Variants in ARL13B observed in about 807,000 individuals in gnomAD.
ARL13B encodes the protein ADP-ribosylation factor-like protein 13B.
A neutral mutation model predicts 56.1 loss-of-function variants in ARL13B; 36 were observed. The ratio of observed to expected loss-of-function variants is 0.64; its 90% confidence interval spans 0.49 to 0.85. The LOEUF is 0.85. Among genes scored for constraint, ARL13B ranks in the 40% least tolerant of loss-of-function variants. ARL13B has a pLI of 0.00. For missense variants in ARL13B, 519 were observed against 507.1 expected, an observed-to-expected ratio of 1.02 and a Z score of -0.23; for synonymous variants, 178 against 171.1, an observed-to-expected ratio of 1.04 and a Z score of -0.32.
chr3:94,011,466 T>G (rs1415041903), intron 3 of ARL13B, among the ~76,000 whole-genome samples: 1 of 152,150 alleles, frequency 6.6e-6, no homozygotes, highest in African/African-American at 2.4e-5. Context: ...TGCTTTCAGT[T>G]TTTGCCTGAG....
intron 2 of ARL13B, among the ~76,000 whole-genome samples, chr3:93,999,804 A>G (rs184434903): frequency 6.6e-6 from 1 of 152,336 alleles, no homozygotes; most frequent in African/African-American, 2.4e-5. Context: ...TTGTTCTCAC[A>G]GAGACCTAAG....
intron 3 of ARL13B, among the ~76,000 whole-genome samples, chr3:94,017,303 G>A (rs1000486203): frequency 2.6e-5 from 4 of 152,198 alleles, no homozygotes; most frequent in Non-Finnish European, 4.4e-5. Flanking sequence ...CCAAAGGGCA[G>A]TGGGTGGAAA....
intron 3 of ARL13B, among the ~76,000 whole-genome samples, chr3:94,018,649 C>T (rs2076383384): frequency 6.6e-6 from 1 of 152,164 alleles, no homozygotes; most frequent in Non-Finnish European, 1.5e-5. Context: ...CTGACAGCTG[C>T]ATTTGAATGC....
Position 94,003,659 on chromosome 3 carries a change from A to C in ARL13B, c.131A>C (p.Glu44Ala). 1 of 1,613,008 alleles carries C rather than the reference A, an allele frequency of 6.2e-7. No individual in the cohort carries two copies. The highest frequency in any genetic ancestry group is 8.5e-7 in the Non-Finnish European group (1 of 1,179,406). The change falls in exon 3 of 10, where the codon GAA (glutamate) becomes GCA (alanine). Residue 44 changes from glutamate (E) to alanine (A), a missense_variant and splice_region_variant. Transcript: ENST00000394222. ...KTATAKGIQG[E>A]YPEDVAPTVG... ...TTTTTTTGTGTATCATTTGTAACAG[A>C]ATACCCTGAAGATGTAGCTCCTACT...
At chr3:93,982,755 C>T (rs1485896887) in intron 1 of ARL13B, among the ~76,000 whole-genome samples, 3 of 152,136 alleles carry the variant, frequency 2.0e-5, no homozygotes. Flanking sequence ...TCTAAGTCCC[C>T]TTGTTCAATG....
At chr3:93,990,535 C>T (rs1341845288) in intron 1 of ARL13B, among the ~76,000 whole-genome samples, 1 of 152,018 alleles carries the variant, frequency 6.6e-6, no homozygotes, top group Non-Finnish European at 1.5e-5. Flanking sequence ...TGATTGCAGC[C>T]TGTCACATGA....
Position 94,055,402 on chromosome 3 carries a change from T to G in ARL13B, c.*2139T>G. On this transcript the variant is annotated 3_prime_UTR_variant, in exon 10 of 10. Transcript: ENST00000394222. Reference sequence around the variant, plus strand: ...AATCAGTAGATTAAAATAATGCATTTTTTTGATACTTTACACACAAAACTT... The same window carrying G: ...AATCAGTAGATTAAAATAATGCATTGTTTTGATACTTTACACACAAAACTT... 1 of 450,834 alleles carries G rather than the reference T, an allele frequency of 2.2e-6. No homozygotes were observed. Among genetic ancestry groups the G allele is most frequent in the Non-Finnish European group, 4.5e-6 (1 of 224,538 alleles). 27.9% of individuals were successfully genotyped at this position (450,834 alleles called of 1,614,324 possible). A position where few individuals can be genotyped will look rare whatever the true frequency, so the allele number is the denominator to read the frequency against.
At chr3:94,005,860 G>T (rs928237322) in intron 3 of ARL13B, among the ~76,000 whole-genome samples, 1 of 151,924 alleles carries the variant, frequency 6.6e-6, no homozygotes, top group Non-Finnish European at 1.5e-5. Context: ...TATTTTTTTT[G>T]ATATTTAATA....
Position 93,980,497 on chromosome 3 carries a change from G to A in ARL13B, c.59+15G>A, listed in dbSNP as rs1306361360. 6.2e-7 allele frequency: 1 copy of A among 1,609,024 alleles called. No homozygotes were observed. The highest frequency in any genetic ancestry group is 1.3e-5 in the African/African-American group (1 of 74,928). ...GAGCCTGTCAGGTAGGCTGGAGCCA[G>A]CTGTCCTGGCCGTCCTAGGGGTTGG... is the stretch of plus-strand genomic sequence containing the variant. On this transcript the variant is annotated intron_variant, in intron 1 of 9. Coordinates refer to ENST00000394222, the MANE Select transcript of ARL13B (RefSeq NM_001174150.2).
Position 94,044,117 on chromosome 3 carries a change from A to G in ARL13B, c.1024+877A>G, listed in dbSNP as rs192850602. On this transcript the variant is annotated intron_variant, in intron 7 of 9. Coordinates refer to ENST00000394222, the MANE Select transcript of ARL13B (RefSeq NM_001174150.2). Reference sequence around the variant, plus strand: ...GAGCAGCGTCTCTGCCTGGCCGCCCATCGTCTGGGATGTGAGGAGCCCCTC... The same window carrying G: ...GAGCAGCGTCTCTGCCTGGCCGCCCGTCGTCTGGGATGTGAGGAGCCCCTC... Among the ~76,000 whole-genome samples the G allele has an allele frequency of 3.8e-3, 527 of 139,306 alleles. 1 individual carries two copies. The highest frequency in any genetic ancestry group is 5.7e-3 in the Non-Finnish European group (362 of 63,866). The allele number at this position is 139,306 out of a possible 152,430, so 91.4% of individuals were successfully genotyped here.
chr3:94,003,905 T>C lies in ARL13B; in HGVS notation c.377T>C (p.Leu126Ser). ...CCTAGGATATCGGGAAAGCCTATATTGGTGTAAGTAATGTTAGCATCATTG... is the reference window on the plus strand; with the variant it reads ...CCTAGGATATCGGGAAAGCCTATATCGGTGTAAGTAATGTTAGCATCATTG... ...RHPRISGKPI[L>S]VLANKQDKEG... is the part of the protein sequence containing the mutation. Residue 126 changes from leucine to serine, a missense_variant, in exon 3 of 10, where the codon TTG becomes TCG. Leu to Ser is a moderately radical substitution (Grantham distance 145). Coordinates refer to ENST00000394222, the MANE Select transcript of ARL13B (RefSeq NM_001174150.2). The C allele has an allele frequency of 1.2e-6, 2 of 1,613,304 alleles. No homozygotes were observed. Among genetic ancestry groups the C allele is most frequent in the Non-Finnish European group, 1.7e-6 (2 of 1,179,576 alleles).
chr3:94,031,688 G>A (rs2076679580), intron 3 of ARL13B, among the ~76,000 whole-genome samples: 1 of 152,136 alleles, frequency 6.6e-6, no homozygotes, highest in Non-Finnish European at 1.5e-5. Context: ...AGCCTGAATA[G>A]CCAAAGCAGT....
At chr3:94,007,034 C>T (rs1468891914) in intron 3 of ARL13B, among the ~76,000 whole-genome samples, 2 of 152,090 alleles carry the variant, frequency 1.3e-5, no homozygotes, top group Non-Finnish European at 2.9e-5. Flanking sequence ...ACATCTGGAC[C>T]ACTCATATGC....
chr3:94,019,012 C>G lies in ARL13B; in HGVS notation c.380+15104C>G, dbSNP rs572768803. Among the ~76,000 whole-genome samples, 50 of 152,286 alleles carry G rather than the reference C, an allele frequency of 3.3e-4. 1 individual carries two copies. In the East Asian group the frequency reaches 7.7e-3, roughly 24 times the overall value. ...AACTCCTGATCTCAGGCGATCCGCC[C>G]TCTTCGGCCTCCCAAAGTGCTGGGA... is the stretch of plus-strand genomic sequence containing the variant. On this transcript the variant is annotated intron_variant, in intron 3 of 9. Transcript: ENST00000394222.
chr3:93,996,627 C>T, intron 2 of ARL13B: 1 of 440,692 alleles, frequency 2.3e-6, no homozygotes, highest in Non-Finnish European at 4.6e-6. Context: ...ATTCTTCTGC[C>T]TTGGCCTCCA....
intron 1 of ARL13B, among the ~76,000 whole-genome samples, chr3:93,981,544 C>A (rs1428205623): frequency 1.3e-5 from 2 of 152,038 alleles, no homozygotes; most frequent in Non-Finnish European, 2.9e-5. Flanking sequence ...TAGCTCCTAA[C>A]TGAATTTGAA....
chr3:94,014,523 A>G, intron 3 of ARL13B: 1 of 1,612,776 alleles, frequency 6.2e-7, no homozygotes, highest in Middle Eastern at 1.7e-4. Flanking sequence ...TCATTTCAAT[A>G]TTGTTGATGC....
intron 1 of ARL13B, among the ~76,000 whole-genome samples, chr3:93,995,148 C>A (rs1461598948): frequency 6.6e-6 from 1 of 152,136 alleles, no homozygotes; most frequent in Admixed American, 6.6e-5. Context: ...GTTAACAGGA[C>A]TAGGACCAGT....
At position 94,008,463 on chromosome 3, in the gene ARL13B, A is replaced by G. The variant is rs1221074078; in HGVS notation, c.380+4555A>G. ...AACTTTATAAATAGTGCCAGCAGTAATACCAAATTTTAAGCTCAACATCCA... is the reference window on the plus strand; with the variant it reads ...AACTTTATAAATAGTGCCAGCAGTAGTACCAAATTTTAAGCTCAACATCCA... On this transcript the variant is annotated intron_variant, in intron 3 of 9. Transcript: ENST00000394222. Among the ~76,000 whole-genome samples, 9 of 152,308 alleles carry G rather than the reference A, an allele frequency of 5.9e-5. No homozygotes were observed. In the East Asian group the frequency reaches 1.7e-3, roughly 29 times the overall value.
Sources: gnomAD v4.1 joint callset for allele counts (sites outside exome capture counted in the v4.1 genomes callset) on GRCh38, gnomAD v4.1.1 for gene constraint, MANE v1.5 for transcripts, NCBI Gene and HGNC (gene_info 2026-07-23, HGNC 2026-07-21) for gene names.